CAMK2D: variants seen among roughly 807,000 people sequenced by gnomAD.
The protein encoded by CAMK2D is calcium/calmodulin dependent protein kinase II delta, also known as calcium/calmodulin-dependent protein kinase type II subunit delta.
In CAMK2D, 37 loss-of-function variants were observed where a neutral mutation model predicts 84.0. The ratio of observed to expected loss-of-function variants is 0.44; its 90% CI spans 0.34 to 0.58. The LOEUF (loss-of-function observed/expected upper bound fraction) is 0.58. CAMK2D is among the 20% of genes least tolerant of loss of function. The probability of loss-of-function intolerance (pLI) is 0.02; values close to 1 mark genes in which losing one functional copy is unlikely to be tolerated. For missense variants in CAMK2D, 448 were observed against 652.5 expected, an observed-to-expected ratio of 0.69 and a Z score of 3.41; for synonymous variants, 202 against 212.5, an observed-to-expected ratio of 0.95 and a Z score of 0.43.
In CAMK2D at chr4:113,761,142, C is replaced by G; in HGVS notation, c.-74G>C. 1 of 1,605,948 alleles carries G rather than the reference C, an allele frequency of 6.2e-7. No homozygotes were observed. Among genetic ancestry groups the G allele is most frequent in the Non-Finnish European group, 8.5e-7 (1 of 1,178,228 alleles). On this transcript the variant is annotated 5_prime_UTR_variant, in exon 1 of 21. Coordinates refer to ENST00000511664, the MANE Select transcript of CAMK2D (RefSeq NM_001321571.2). ...AGCAGACGCGCGGCTAACCCCGGGACTGGCCCCGCGGCGCTGTCACCCAGG... is the reference window on the plus strand; with the variant it reads ...AGCAGACGCGCGGCTAACCCCGGGAGTGGCCCCGCGGCGCTGTCACCCAGG...
Position 113,524,427 on chromosome 4 carries a change from A to G in CAMK2D, c.602-6770T>C, listed in dbSNP as rs1343547947. Among the ~76,000 whole-genome samples, 4 of 152,268 alleles carry G rather than the reference A, an allele frequency of 2.6e-5. No homozygotes were observed. The East Asian group carries it at 7.7e-4, about 29-fold the overall frequency. ...GTAACTGGCTTATTTTGCTTAGCAT[A>G]ATGTCCTTGGGGTTCATCCATGTTG... On this transcript the variant is annotated intron_variant, in intron 8 of 20. Transcript: ENST00000511664.
intron 2 of CAMK2D, among the ~76,000 whole-genome samples, chr4:113,742,288 A>G (rs1014049171): frequency 1.3e-5 from 2 of 152,184 alleles, no homozygotes; most frequent in African/African-American, 4.8e-5. Flanking sequence ...AAAATATCAA[A>G]CTTTTCCTTA....
chr4:113,740,128 T>C (rs577556720), intron 2 of CAMK2D, among the ~76,000 whole-genome samples: 63 of 152,276 alleles, frequency 4.1e-4, no homozygotes, highest in African/African-American at 1.4e-3. Flanking sequence ...AATGTGTGTA[T>C]GTACAGCATT....
At chr4:113,552,879 G>A (rs1591126678) in intron 4 of CAMK2D, among the ~76,000 whole-genome samples, 1 of 152,176 alleles carries the variant, frequency 6.6e-6, no homozygotes, top group South Asian at 2.1e-4. Context: ...AATTGTGAAG[G>A]TGCTCACAGA....
intron 4 of CAMK2D, among the ~76,000 whole-genome samples, chr4:113,567,357 G>A (rs1447175542): frequency 6.6e-6 from 1 of 151,796 alleles, no homozygotes; most frequent in Non-Finnish European, 1.5e-5. Flanking sequence ...CAGTAGAGAC[G>A]GGGTTTCACC....
At chr4:113,664,048 A>G (rs2099248116) in intron 2 of CAMK2D, among the ~76,000 whole-genome samples, 1 of 152,178 alleles carries the variant, frequency 6.6e-6, no homozygotes, top group South Asian at 2.1e-4. Flanking sequence ...CACACACAGA[A>G]GGAAGATCAC....
chr4:113,642,877 G>T (rs1222422330), intron 3 of CAMK2D, among the ~76,000 whole-genome samples: 2 of 152,018 alleles, frequency 1.3e-5, no homozygotes, highest in African/African-American at 4.8e-5. Context: ...TGCTGCACTG[G>T]AAATTATGGT....
Position 113,452,208 on chromosome 4 carries a change from AGTT to A in CAMK2D, c.*2334_*2336del, listed in dbSNP as rs1263807758. ...GTTTAGAGAAGCTTTTAGGAGTCTT[AGTT>A]GTTAACTATATTGTTCTCAGCAACA... On this transcript the variant is annotated 3_prime_UTR_variant, in exon 21 of 21. Transcript: ENST00000511664. The A allele has an allele frequency of 1.3e-5, 2 of 151,564 alleles. No homozygotes were observed. The highest frequency in any genetic ancestry group is 2.9e-5 in the Non-Finnish European group (2 of 67,972). 9.4% of individuals were successfully genotyped at this position (151,564 alleles called of 1,614,324 possible).
chr4:113,670,568 T>C (rs1193674028), intron 2 of CAMK2D, among the ~76,000 whole-genome samples: 2 of 152,048 alleles, frequency 1.3e-5, no homozygotes, highest in Non-Finnish European at 2.9e-5. Flanking sequence ...TACAATCAAA[T>C]AGTACTTTCC....
chr4:113,739,406 C>T (rs1387036047), intron 2 of CAMK2D, among the ~76,000 whole-genome samples: 1 of 152,116 alleles, frequency 6.6e-6, no homozygotes, highest in African/African-American at 2.4e-5. Context: ...GTATCTGCCA[C>T]AGCCCAGCAA....
chr4:113,713,069 C>T (rs2099499206), intron 2 of CAMK2D, among the ~76,000 whole-genome samples: 1 of 151,930 alleles, frequency 6.6e-6, no homozygotes, highest in African/African-American at 2.4e-5. Flanking sequence ...CTCATTTTAA[C>T]CATTGAATAA....
chr4:113,635,599 C>T (rs974487687), intron 3 of CAMK2D, among the ~76,000 whole-genome samples: 2 of 152,164 alleles, frequency 1.3e-5, no homozygotes, highest in Non-Finnish European at 2.9e-5. Flanking sequence ...TCAAACTAGT[C>T]CCTGGCCTTC....
intron 2 of CAMK2D, among the ~76,000 whole-genome samples, chr4:113,735,846 A>G (rs72901782): frequency 0.022 from 3,332 of 152,258 alleles, 131 homozygotes; most frequent in African/African-American, 0.076. Context: ...TATCACTGTC[A>G]TCTTTGCAAA....
At chr4:113,607,613 C>A (rs1028023012) in intron 4 of CAMK2D, among the ~76,000 whole-genome samples, 2 of 152,182 alleles carry the variant, frequency 1.3e-5, no homozygotes, top group Admixed American at 1.3e-4. Flanking sequence ...ACCCTGTAAT[C>A]CCTGTCCCCG....
chr4:113,704,069 C>G (rs764679066), intron 2 of CAMK2D, among the ~76,000 whole-genome samples: 5 of 151,794 alleles, frequency 3.3e-5, no homozygotes, highest in Non-Finnish European at 5.9e-5. Context: ...TATAAAGTAG[C>G]CTTAGAAGCA....
intron 16 of CAMK2D, among the ~76,000 whole-genome samples, chr4:113,479,521 G>C (rs1431530434): frequency 6.6e-6 from 1 of 152,072 alleles, no homozygotes; most frequent in Non-Finnish European, 1.5e-5. Context: ...TGGTACTATG[G>C]AGGCCAAAAG....
At chr4:113,572,377 C>T (rs2098757671) in intron 4 of CAMK2D, among the ~76,000 whole-genome samples, 1 of 151,626 alleles carries the variant, frequency 6.6e-6, no homozygotes, top group South Asian at 2.1e-4. Flanking sequence ...TAATCTCATA[C>T]ACAGGAAAGG....
intron 12 of CAMK2D, among the ~76,000 whole-genome samples, chr4:113,510,141 A>C (rs1354331290): frequency 6.6e-6 from 1 of 152,176 alleles, no homozygotes; most frequent in Non-Finnish European, 1.5e-5. Context: ...CATTTGTAAA[A>C]TTTGCTCTGG....
chr4:113,695,106 C>G (rs2099398861), intron 2 of CAMK2D, among the ~76,000 whole-genome samples: 1 of 152,110 alleles, frequency 6.6e-6, no homozygotes, highest in South Asian at 2.1e-4. Flanking sequence ...CTGATTACAT[C>G]ACGAAGTGAG....
Sources: allele counts gnomAD v4.1 joint callset (sites outside exome capture counted in the v4.1 genomes callset), GRCh38; gene constraint gnomAD v4.1.1; transcripts MANE v1.5; gene names NCBI Gene and HGNC (gene_info 2026-07-23, HGNC 2026-07-21).